The following CRTC3 variants were observed in gnomAD, a reference collection of about 807,000 sequenced individuals.
The protein encoded by CRTC3 is CREB-regulated transcription coactivator 3.
In CRTC3, 26 loss-of-function variants were observed where a neutral mutation model predicts 74.5. That is an observed-to-expected ratio of 0.35 (90% CI 0.26 to 0.48). The LOEUF (loss-of-function observed/expected upper bound fraction) is 0.48, where lower values mean the gene tolerates loss of function less well. Among genes scored for constraint, CRTC3 ranks in the 20% least tolerant of loss-of-function variants. The pLI, the probability that CRTC3 is intolerant of heterozygous loss-of-function variation, is 0.99. For synonymous variants in CRTC3, 377 were observed against 325.8 expected (o/e 1.16, Z -1.69); for missense variants, 760 against 787.3 (o/e 0.97, Z 0.41).
rs1220977215 is a variant in CRTC3, at chr15:90,644,324, C to G, written c.*2184C>G. On this transcript the variant is annotated 3_prime_UTR_variant, in exon 15 of 15. Transcript: ENST00000268184. Reference sequence around the variant, plus strand: ...AAGGGCTTCCAAACCTGATCTCACTCTCAACAGGCGATGGTGCTGATGTTT... The same window carrying G: ...AAGGGCTTCCAAACCTGATCTCACTGTCAACAGGCGATGGTGCTGATGTTT... 2 of 230,278 alleles carry G rather than the reference C, an allele frequency of 8.7e-6. No homozygotes were observed. The highest frequency in any genetic ancestry group is 2.2e-5 in the African/African-American group (1 of 45,170). 14.3% of individuals were successfully genotyped at this position (230,278 alleles called of 1,614,324 possible).
chr15:90,610,900 G>A (rs776980692), intron 6 of CRTC3, among the ~76,000 whole-genome samples: 1 of 152,188 alleles, frequency 6.6e-6, no homozygotes, highest in Non-Finnish European at 1.5e-5. Flanking sequence ...ATCCAGGGCT[G>A]TAGATGCTGA....
intron 6 of CRTC3, 57 bp from the exon 7 acceptor site, chr15:90,614,396 G>GA: frequency 7.8e-7 from 1 of 1,289,502 alleles, no homozygotes; most frequent in Non-Finnish European, 1.1e-6. Flanking sequence ...ATAAATTCAT[G>GA]AAAATGAAAG....
rs1968817555 is a variant in CRTC3, at chr15:90,625,903, A to C, written c.877A>C (p.Thr293Pro). 2 of 1,614,120 alleles carry C rather than the reference A, an allele frequency of 1.2e-6. No individual in the cohort carries two copies. The highest frequency in any genetic ancestry group is 3.3e-5 in the Admixed American group (2 of 60,004). ...STPLPASLDTTDHHFGSMSVG... is the reference protein window; with the variant it reads ...STPLPASLDTPDHHFGSMSVG... ...ACCCCTGCCAGCCTCCCTGGACACC[A>C]CCGACCACCACTTTGGCAGTATGAG... The change falls in exon 10 of 15, where the codon ACC becomes CCC. Residue 293 changes from threonine to proline, a missense_variant. This residue lies in a region of CRTC3 where 652 missense variants were observed against 635.2 expected (regional missense o/e 1.03). Transcript: ENST00000268184.
At chr15:90,575,929 TA>T (rs145294779) in intron 2 of CRTC3, among the ~76,000 whole-genome samples, 7 of 152,340 alleles carry the variant, frequency 4.6e-5, no homozygotes, top group Non-Finnish European at 1.0e-4. Flanking sequence ...TATTGGGTTT[TA>T]TGCAGCTAAG....
intron 2 of CRTC3, among the ~76,000 whole-genome samples, chr15:90,578,787 G>A (rs1277052492): frequency 6.6e-6 from 1 of 151,992 alleles, no homozygotes; most frequent in Admixed American, 6.6e-5. Flanking sequence ...TGTTATATAG[G>A]GTATTTGTTG....
chr15:90,625,127 A>G (rs184912412), intron 9 of CRTC3: 8 of 153,202 alleles, frequency 5.2e-5, no homozygotes, highest in African/African-American at 1.9e-4. Flanking sequence ...TTTGATTTAT[A>G]ACTTTTAAAA....
At chr15:90,541,794 T>G (rs1966807155) in intron 2 of CRTC3, among the ~76,000 whole-genome samples, 1 of 147,126 alleles carries the variant, frequency 6.8e-6, no homozygotes, top group South Asian at 2.2e-4. Flanking sequence ...TTTTTTCTTT[T>G]TTTTTTTTTG....
chr15:90,607,441 A>AGGAG lies in CRTC3; in HGVS notation c.543_546dup (p.Gly183ArgfsTer15). 6.2e-7 allele frequency: 1 copy of AGGAG among 1,612,980 alleles called. No homozygotes were observed. The highest frequency in any genetic ancestry group is 1.3e-5 in the African/African-American group (1 of 75,022). On this transcript the variant is annotated frameshift_variant, in exon 6 of 15. Coordinates refer to ENST00000268184, the MANE Select transcript of CRTC3 (RefSeq NM_022769.5). LOFTEE classifies it high-confidence loss of function. ...GTACCAAGCCCCAGGACCCCTATGG[A>AGGAG]GGAGGGGGCCAGTCGGCCTGGCCTG... is the stretch of plus-strand genomic sequence containing the variant.
chr15:90,613,430 C>G (rs1290355201), intron 6 of CRTC3, among the ~76,000 whole-genome samples: 1 of 152,136 alleles, frequency 6.6e-6, no homozygotes, highest in Non-Finnish European at 1.5e-5. Flanking sequence ...GGCACTCTTC[C>G]TGTTGCCCCT....
chr15:90,638,948 A>G (rs755878685), intron 13 of CRTC3, 133 bp downstream of exon 13: 21 of 764,886 alleles, frequency 2.7e-5, no homozygotes, highest in Non-Finnish European at 4.6e-5. Flanking sequence ...CTGTGGCTAG[A>G]AGAGCCTTTC....
At chr15:90,628,447 C>G (rs778084448) in intron 10 of CRTC3, among the ~76,000 whole-genome samples, 1 of 152,174 alleles carries the variant, frequency 6.6e-6, no homozygotes, top group African/African-American at 2.4e-5. Context: ...AATTGATTCA[C>G]TGGGCGAACC....
chr15:90,616,783 T>C (rs916658504), intron 7 of CRTC3, among the ~76,000 whole-genome samples: 1 of 152,242 alleles, frequency 6.6e-6, no homozygotes, highest in Non-Finnish European at 1.5e-5. Flanking sequence ...AGCCCTGGAA[T>C]GGTCCCTTTA....
intron 1 of CRTC3, among the ~76,000 whole-genome samples, chr15:90,537,119 T>A (rs1006484917): frequency 1.2e-4 from 19 of 152,212 alleles, no homozygotes; most frequent in African/African-American, 4.3e-4. Context: ...AACATGAAGG[T>A]GTTGAAGACA....
At chr15:90,612,635 T>C (rs962346436) in intron 6 of CRTC3, among the ~76,000 whole-genome samples, 6 of 151,652 alleles carry the variant, frequency 4.0e-5, no homozygotes, top group Non-Finnish European at 7.4e-5. Context: ...TAAAACCTAG[T>C]TTTTAGTTTT....
intron 2 of CRTC3, among the ~76,000 whole-genome samples, chr15:90,572,105 T>C (rs948018401): frequency 4.1e-5 from 6 of 145,778 alleles, no homozygotes; most frequent in African/African-American, 1.3e-4. Context: ...GAGGTTGCAG[T>C]GAGCCAAGAT....
At chr15:90,613,459 A>G (rs1175238478) in intron 6 of CRTC3, among the ~76,000 whole-genome samples, 1 of 152,072 alleles carries the variant, frequency 6.6e-6, no homozygotes, top group African/African-American at 2.4e-5. Flanking sequence ...TTAAAATGTT[A>G]TATCTTCTAC....
Position 90,635,160 on chromosome 15 carries a change from G to A in CRTC3, c.1267-3286G>A, listed in dbSNP as rs1041404018. On this transcript the variant is annotated intron_variant, in intron 11 of 14. Coordinates refer to ENST00000268184, the MANE Select transcript of CRTC3 (RefSeq NM_022769.5). ...CTAATGATAACTAATGACATCCAGT[G>A]TCTCCAAAATTGTTTCCTTGTACTG... 3.2e-5 allele frequency: 18 copies of A among 560,472 alleles called. No individual in the cohort carries two copies. The Admixed American group carries it at 5.4e-4, about 17-fold the overall frequency. The allele number at this position is 560,472 out of a possible 1,614,324, so 34.7% of individuals were successfully genotyped here.
intron 11 of CRTC3, 100 bp from the exon 12 acceptor site, chr15:90,638,346 A>G (rs1969313887): frequency 2.9e-6 from 3 of 1,030,100 alleles, no homozygotes; most frequent in Non-Finnish European, 4.5e-6. Flanking sequence ...GCGGTGAGGA[A>G]AATCTCAGGC....
chr15:90,579,615 A>G (rs973629264), intron 2 of CRTC3, among the ~76,000 whole-genome samples: 1 of 148,498 alleles, frequency 6.7e-6, no homozygotes, highest in Non-Finnish European at 1.5e-5. Context: ...GAATGATTAC[A>G]TGGAGTAAAC....
Sources: allele counts gnomAD v4.1 joint callset (sites outside exome capture counted in the v4.1 genomes callset), GRCh38; gene constraint gnomAD v4.1.1; regional missense constraint gnomAD v4.1.1; transcripts MANE v1.5; gene names NCBI Gene and HGNC (gene_info 2026-07-23, HGNC 2026-07-21).